Variants in ZNF138 observed in about 807,000 individuals in gnomAD.
ZNF138 encodes zinc finger protein 138 (clone pHZ-32).
ZNF138 carries 33 observed loss-of-function variants against 33.0 expected under a neutral mutation model. That is an observed-to-expected ratio of 1.00 (90% CI 0.76 to 1.34). The LOEUF is 1.34. Among genes scored for constraint, ZNF138 ranks in the 40% most tolerant of loss-of-function variants. The pLI is 0.00. For missense variants in ZNF138, 360 were observed against 370.8 expected (o/e 0.97, Z 0.24); for synonymous variants, 139 against 120.4 (o/e 1.15, Z -1.01).
chr7:64,853,405 G>C, the ZNF138 span: 4 of 1,062,044 alleles, frequency 3.8e-6, no homozygotes, highest in African/African-American at 4.8e-5. Flanking sequence ...TTCCCTCTGC[G>C]AGTTGGCTGG....
rs529101318 is a variant in ZNF138 at position 64,828,773 on chromosome 7, G to A, written c.209-2678G>A. Among the ~76,000 whole-genome samples the A allele has an allele frequency of 2.5e-4, 18 of 71,746 alleles. No individual in the cohort carries two copies. The South Asian group carries it at 9.7e-3, about 39-fold the overall frequency. 47.1% of individuals were successfully genotyped at this position (71,746 alleles called of 152,430 possible). A position where few individuals can be genotyped will look rare whatever the true frequency, so the allele number is the denominator to read the frequency against. Reference sequence around the variant, plus strand: ...TGAAATCAGAAACTGTTCTGCCTCCGACATTGTTCCTTTTTTTTTTTGAAG... The same window carrying A: ...TGAAATCAGAAACTGTTCTGCCTCCAACATTGTTCCTTTTTTTTTTTGAAG... On this transcript the variant is annotated intron_variant, in intron 3 of 3. Coordinates refer to ENST00000307355, the MANE Select transcript of ZNF138 (RefSeq NM_001271639.2).
the ZNF138 span, among the ~76,000 whole-genome samples, chr7:64,838,896 CG>C: frequency 4.1e-5 from 3 of 73,054 alleles, no homozygotes; most frequent in South Asian, 1.2e-3. Context: ...AGTAAGATGG[CG>C]GCGGTGAGGA....
chr7:64,853,476 GAGAT>G, the ZNF138 span: 1 of 566,810 alleles, frequency 1.8e-6, no homozygotes, highest in Non-Finnish European at 3.2e-6. Flanking sequence ...CTATATATAT[GAGAT>G]CATGTAGTAT....
At chr7:64,827,858 A>T (rs1789765975) in intron 3 of ZNF138, among the ~76,000 whole-genome samples, 1 of 152,162 alleles carries the variant, frequency 6.6e-6, no homozygotes, top group African/African-American at 2.4e-5. Flanking sequence ...ACCTCACACC[A>T]ATCAGTTGTA....
At chr7:64,803,742 G>C (rs190626145) in intron 1 of ZNF138, among the ~76,000 whole-genome samples, 1 of 152,196 alleles carries the variant, frequency 6.6e-6, no homozygotes, top group East Asian at 1.9e-4. Context: ...TATGGTTACA[G>C]ACAATTTTTA....
At chr7:64,838,483 C>T (rs1018597696), downstream of ZNF138, among the ~76,000 whole-genome samples, 1 of 152,178 alleles carries the variant, frequency 6.6e-6, no homozygotes, top group Non-Finnish European at 1.5e-5. Context: ...TCTACCTCTC[C>T]TGCTGGGGCT....
intron 1 of ZNF138, among the ~76,000 whole-genome samples, chr7:64,813,263 A>G (rs887509757): frequency 2.2e-4 from 34 of 152,178 alleles, no homozygotes; most frequent in African/African-American, 7.2e-4. Flanking sequence ...TCTATGCAGA[A>G]CAGGATTAAT....
chr7:64,852,579 G>C, the ZNF138 span: 8 of 1,546,380 alleles, frequency 5.2e-6, no homozygotes, highest in Non-Finnish European at 7.2e-6. Flanking sequence ...CGAGCTGTTT[G>C]CTCACATGGT....
In ZNF138 at chr7:64,831,056, C is replaced by G. The variant is rs761470686; in HGVS notation, c.209-395C>G. On this transcript the variant is annotated intron_variant, in intron 3 of 3. Coordinates refer to ENST00000307355, the MANE Select transcript of ZNF138 (RefSeq NM_001271639.2). Reference sequence around the variant, plus strand: ...CAGAAACCAGTGTCTGCAAAAGCACCTAGAAGCCAGAAATAAAGATGTATG... The same window carrying G: ...CAGAAACCAGTGTCTGCAAAAGCACGTAGAAGCCAGAAATAAAGATGTATG... 2.7e-5 allele frequency: 42 copies of G among 1,551,466 alleles called. 1 individual carries two copies. The highest frequency in any genetic ancestry group is 2.0e-4 in the Admixed American group (10 of 50,862).
chr7:64,854,415 A>G, the ZNF138 span, among the ~76,000 whole-genome samples: 2 of 152,162 alleles, frequency 1.3e-5, no homozygotes, highest in Admixed American at 6.5e-5. Flanking sequence ...TAACTTTTGT[A>G]TTTTTAGTAG....
chr7:64,819,154 TTATG>T (rs897332971), intron 3 of ZNF138, among the ~76,000 whole-genome samples: 3 of 152,160 alleles, frequency 2.0e-5, no homozygotes, highest in African/African-American at 7.2e-5. Flanking sequence ...CACAATCAGA[TTATG>T]TATGTATGTG....
chr7:64,854,606 A>G, the ZNF138 span, among the ~76,000 whole-genome samples: 1 of 152,236 alleles, frequency 6.6e-6, no homozygotes, highest in Non-Finnish European at 1.5e-5. Context: ...TTAACATGAC[A>G]AAAGTAACAA....
intron 3 of ZNF138, among the ~76,000 whole-genome samples, chr7:64,824,263 G>A (rs571134905): frequency 3.3e-5 from 5 of 152,202 alleles, no homozygotes; most frequent in Admixed American, 2.0e-4. Context: ...AAAGAACCTA[G>A]CTTCTTTACC....
intron 3 of ZNF138, among the ~76,000 whole-genome samples, chr7:64,825,819 G>A (rs1583879199): frequency 6.6e-6 from 1 of 151,622 alleles, no homozygotes; most frequent in East Asian, 2.0e-4. Context: ...TTACAGGCAT[G>A]AGCCCCCGCG....
the ZNF138 span, among the ~76,000 whole-genome samples, chr7:64,845,696 A>G: frequency 6.6e-6 from 1 of 152,070 alleles, no homozygotes; most frequent in Non-Finnish European, 1.5e-5. Context: ...GCATTTTTTC[A>G]TATGTTTGCT....
chr7:64,802,723 G>A (rs1382984629), intron 1 of ZNF138, among the ~76,000 whole-genome samples: 5 of 152,028 alleles, frequency 3.3e-5, no homozygotes, highest in African/African-American at 1.2e-4. Context: ...ATGGCTACAA[G>A]AAGAAAAGCT....
chr7:64,808,221 GT>G (rs1303091930), intron 1 of ZNF138, among the ~76,000 whole-genome samples: 11 of 152,156 alleles, frequency 7.2e-5, no homozygotes, highest in African/African-American at 2.7e-4. Context: ...TCCTGTGTTT[GT>G]TCCTCCCCTC....
chr7:64,824,455 T>A (rs1253197919), intron 3 of ZNF138, among the ~76,000 whole-genome samples: 2 of 152,208 alleles, frequency 1.3e-5, no homozygotes. Flanking sequence ...TATTCCTGTG[T>A]ATGCAAAATA....
intron 1 of ZNF138, among the ~76,000 whole-genome samples, chr7:64,801,797 A>G (rs867368564): frequency 6.6e-6 from 1 of 152,144 alleles, no homozygotes; most frequent in African/African-American, 2.4e-5. Context: ...CTCTTCATAA[A>G]TCTCTAAGAA....
Sources: allele counts gnomAD v4.1 joint callset (sites outside exome capture counted in the v4.1 genomes callset), GRCh38; gene constraint gnomAD v4.1.1; transcripts MANE v1.5; gene names NCBI Gene and HGNC (gene_info 2026-07-23, HGNC 2026-07-21).